The following BPIFB6 variants were observed in gnomAD, a reference collection of about 807,000 sequenced individuals.
The protein encoded by BPIFB6 is BPI fold containing family B member 6.
BPIFB6 carries 47 observed loss-of-function variants against 54.7 expected under a neutral mutation model. That is an observed-to-expected ratio of 0.86 (90% CI 0.68 to 1.10). The LOEUF (loss-of-function observed/expected upper bound fraction) is 1.10. BPIFB6 is among the 50% of genes least tolerant of loss of function. The pLI is 0.00. For synonymous variants in BPIFB6, 255 were observed against 225.9 expected (o/e 1.13, Z -1.16); for missense variants, 603 against 564.1 (o/e 1.07, Z -0.70).
In BPIFB6 at chr20:33,042,883, G is replaced by A; in HGVS notation, c.1252+5G>A. 1 of 1,613,808 alleles carries A rather than the reference G, an allele frequency of 6.2e-7. No homozygotes were observed. Among genetic ancestry groups the A allele is most frequent in the Non-Finnish European group, 8.5e-7 (1 of 1,179,728 alleles). On this transcript the variant is annotated splice_donor_5th_base_variant and intron_variant, in intron 13 of 14. Transcript: ENST00000349552. ...CCTACATCCCAGTTGTCAATGGTGAGGGTTCCAAAAGGCTTTGGACCATGG... is the reference window on the plus strand; with the variant it reads ...CCTACATCCCAGTTGTCAATGGTGAAGGTTCCAAAAGGCTTTGGACCATGG...
At chr20:33,035,953 C>T (rs73256629) in intron 6 of BPIFB6, among the ~76,000 whole-genome samples, 15,345 of 152,114 alleles carry the variant, frequency 0.1, 841 homozygotes, top group Middle Eastern at 0.14. Flanking sequence ...AAGCCTCGTG[C>T]CTATGTAGTA....
intron 11 of BPIFB6, 109 bp from the exon 12 acceptor site, chr20:33,041,861 C>A (rs1179723578): frequency 5.3e-6 from 5 of 945,394 alleles, no homozygotes; most frequent in South Asian, 1.5e-5. Flanking sequence ...GGGACTCCTG[C>A]ATCAGGGAGG....
intron 13 of BPIFB6, 104 bp from the exon 14 acceptor site, chr20:33,043,187 T>C: frequency 1.0e-6 from 1 of 1,003,408 alleles, no homozygotes. Context: ...GCAGGCATCA[T>C]GAATCAATCA....
At chr20:33,041,520 G>A (rs1979584234) in intron 11 of BPIFB6, among the ~76,000 whole-genome samples, 1 of 152,186 alleles carries the variant, frequency 6.6e-6, no homozygotes, top group African/African-American at 2.4e-5. Flanking sequence ...GAGAATAGAT[G>A]AGCAGAGCCA....
intron 3 of BPIFB6, 58 bp from the exon 4 acceptor site, chr20:33,034,705 A>T (rs949102869): frequency 6.5e-7 from 1 of 1,535,388 alleles, no homozygotes; most frequent in Non-Finnish European, 8.8e-7. Context: ...AAGAGAAGGC[A>T]GGGAGAGCGG....
chr20:33,038,129 C>A (rs1979423239), intron 8 of BPIFB6, among the ~76,000 whole-genome samples: 1 of 152,180 alleles, frequency 6.6e-6, no homozygotes, highest in Non-Finnish European at 1.5e-5. Context: ...CACATAACAC[C>A]TACTACAAAG....
intron 2 of BPIFB6, 135 bp from the exon 3 acceptor site, chr20:33,034,051 A>G (rs992334517): frequency 2.8e-6 from 2 of 710,094 alleles, no homozygotes; most frequent in Middle Eastern, 2.5e-4. Context: ...GGCCCCATGA[A>G]TCATGCTTAC....
At chr20:33,031,770 G>A (rs1302578035) in intron 1 of BPIFB6, 26 bp downstream of exon 1, 1 of 1,606,336 alleles carries the variant, frequency 6.2e-7, no homozygotes, top group African/African-American at 1.3e-5. Context: ...GCCCGGGCGT[G>A]CAGCTGGGAG....
intron 1 of BPIFB6, 22 bp downstream of exon 1, chr20:33,031,766 G>T: frequency 1.2e-6 from 2 of 1,610,290 alleles, no homozygotes; most frequent in East Asian, 2.2e-5. Context: ...GTGGGCCCGG[G>T]CGTGCAGCTG....
At chr20:33,034,060 AC>A in intron 2 of BPIFB6, 125 bp from the exon 3 acceptor site, 2 of 735,252 alleles carry the variant, frequency 2.7e-6, no homozygotes, top group Non-Finnish European at 5.0e-6. Context: ...AATCATGCTT[AC>A]CCCCATGACA....
At chr20:33,035,904 C>T (rs1979320495) in intron 6 of BPIFB6, among the ~76,000 whole-genome samples, 1 of 152,188 alleles carries the variant, frequency 6.6e-6, no homozygotes, top group Non-Finnish European at 1.5e-5. Flanking sequence ...CTGAACCCCA[C>T]AAGACTCCAA....
At chr20:33,041,903 G>C in intron 11 of BPIFB6, 67 bp from the exon 12 acceptor site, 1 of 1,488,890 alleles carries the variant, frequency 6.7e-7, no homozygotes, top group Non-Finnish European at 9.3e-7. Flanking sequence ...CTTCTCCAGC[G>C]CCAGGGCCAC....
At chr20:33,040,667 A>G (rs1029857333) in intron 11 of BPIFB6, among the ~76,000 whole-genome samples, 1 of 152,082 alleles carries the variant, frequency 6.6e-6, no homozygotes, top group African/African-American at 2.4e-5. Flanking sequence ...CTCAAATGCC[A>G]CCTCCTCCAC....
At chr20:33,041,777 C>T (rs376958930) in intron 11 of BPIFB6, among the ~76,000 whole-genome samples, 193 bp from the exon 12 acceptor site, 1 of 152,122 alleles carries the variant, frequency 6.6e-6, no homozygotes, top group Non-Finnish European at 1.5e-5. Context: ...TGTGCTGTAA[C>T]GAAAGGTAGT....
intron 11 of BPIFB6, 96 bp from the exon 12 acceptor site, chr20:33,041,874 T>C (rs1979600962): frequency 8.9e-7 from 1 of 1,120,712 alleles, no homozygotes; most frequent in South Asian, 1.3e-5. Flanking sequence ...CAGGGAGGCG[T>C]TGGGGTGCTT....
At chr20:33,041,039 G>A (rs775060678) in intron 11 of BPIFB6, among the ~76,000 whole-genome samples, 12 of 149,360 alleles carry the variant, frequency 8.0e-5, no homozygotes, top group Non-Finnish European at 1.6e-4. Flanking sequence ...GCCCAGGCTG[G>A]AGTGCAGTGG....
intron 7 of BPIFB6, among the ~76,000 whole-genome samples, chr20:33,037,022 A>G (rs1013331390): frequency 1.4e-4 from 21 of 152,156 alleles, no homozygotes; most frequent in Admixed American, 8.5e-4. Flanking sequence ...CATTTTGCGG[A>G]TGGGAACATT....
Position 33,041,028 on chromosome 20 carries a change from T to C in BPIFB6, c.1142+710T>C, listed in dbSNP as rs576446427. ...TTTTTGAGACAGAGTCTCGCTCTGT[T>C]GCCCAGGCTGGAGTGCAGTGGCGCA... is the stretch of plus-strand genomic sequence containing the variant. On this transcript the variant is annotated intron_variant, in intron 11 of 14. Coordinates refer to ENST00000349552, the MANE Select transcript of BPIFB6 (RefSeq NM_174897.2). Among the ~76,000 whole-genome samples, 22 of 148,600 alleles carry C rather than the reference T, an allele frequency of 1.5e-4. No homozygotes were observed. In the East Asian group the frequency reaches 3.7e-3, roughly 25 times the overall value.
intron 14 of BPIFB6, 61 bp downstream of exon 14, chr20:33,043,428 C>A: frequency 6.8e-7 from 1 of 1,470,228 alleles, no homozygotes; most frequent in Non-Finnish European, 9.5e-7. Flanking sequence ...GAGTGATGAG[C>A]AAGAGCCTAC....
Sources: gnomAD v4.1 joint callset for allele counts (sites outside exome capture counted in the v4.1 genomes callset) on GRCh38, gnomAD v4.1.1 for gene constraint, MANE v1.5 for transcripts, NCBI Gene and HGNC (gene_info 2026-07-23, HGNC 2026-07-21) for gene names.